CACNA1H: variants seen among roughly 807,000 people sequenced by gnomAD.
The protein encoded by CACNA1H is calcium voltage-gated channel subunit alpha1 H, also known as voltage-dependent T-type calcium channel subunit alpha-1H.
A neutral mutation model predicts 192.5 loss-of-function variants in CACNA1H; 149 were observed. The ratio of observed to expected loss-of-function variants is 0.77; its 90% CI spans 0.68 to 0.89. CACNA1H has a LOEUF of 0.89. Among genes scored for constraint, CACNA1H ranks in the 40% least tolerant of loss-of-function variants. The pLI is 0.00. For synonymous variants in CACNA1H, 2,202 were observed against 1,475.2 expected, an observed-to-expected ratio of 1.49 and a Z score of -11.29; for missense variants, 4,257 against 3,423.5, an observed-to-expected ratio of 1.24 and a Z score of -6.08.
intron 8 of CACNA1H, 144 bp from the exon 9 acceptor site, chr16:1,201,519 C>A: frequency 9.9e-7 from 1 of 1,007,880 alleles, no homozygotes; most frequent in South Asian, 1.7e-5. Flanking sequence ...CACTGAACAC[C>A]GCAGCAGCCT....
intron 26 of CACNA1H, among the ~76,000 whole-genome samples, chr16:1,213,030 C>A (rs1969642160): frequency 6.6e-6 from 1 of 152,234 alleles, no homozygotes; most frequent in Admixed American, 6.5e-5. Context: ...CACGCCTTCA[C>A]CCGCGGGAGC....
rs535076609 is a variant in CACNA1H, at chr16:1,186,271, C to G, written c.300-8701C>G. ...CTTAGTGGTGTTTTGAATAAGAATG[C>G]GCGGCTCCCTCGAGGTGTCCCAGTG... On this transcript the variant is annotated intron_variant, in intron 2 of 34. Coordinates refer to ENST00000348261, the MANE Select transcript of CACNA1H (RefSeq NM_021098.3). Among the ~76,000 whole-genome samples the G allele has an allele frequency of 3.3e-5, 5 of 151,922 alleles. No individual in the cohort carries two copies. The East Asian group carries it at 9.6e-4, about 29-fold the overall frequency.
intron 5 of CACNA1H, 129 bp from the exon 6 acceptor site, chr16:1,198,486 T>G (rs1242924490): frequency 1.0e-6 from 1 of 958,328 alleles, no homozygotes; most frequent in South Asian, 1.5e-5. Context: ...GTGGCCCGAG[T>G]CAGTGTGCAG....
chr16:1,191,275 C>T (rs1966591406), intron 2 of CACNA1H, among the ~76,000 whole-genome samples: 1 of 98,742 alleles, frequency 1.0e-5, no homozygotes, highest in East Asian at 3.2e-4. Context: ...GGCTGTGTGG[C>T]CTCAGGCACA....
intron 16 of CACNA1H, 129 bp from the exon 17 acceptor site, chr16:1,208,903 C>A: frequency 9.8e-7 from 1 of 1,018,930 alleles, no homozygotes; most frequent in Non-Finnish European, 1.3e-6. Flanking sequence ...ACAGCCTCCA[C>A]CGTGCCTCCC....
chr16:1,184,241 C>T (rs1176603507), intron 2 of CACNA1H, among the ~76,000 whole-genome samples: 2 of 152,262 alleles, frequency 1.3e-5, no homozygotes, highest in Non-Finnish European at 2.9e-5. Context: ...AGGGAGCAGA[C>T]CCTGGCCAAA....
chr16:1,196,522 T>A (rs572136006), intron 5 of CACNA1H, among the ~76,000 whole-genome samples: 1 of 152,296 alleles, frequency 6.6e-6, no homozygotes, highest in East Asian at 1.9e-4. Flanking sequence ...CACCCGCCAC[T>A]GCTTCTGGCC....
In CACNA1H at chr16:1,206,459, C is replaced by T. The variant is rs538909888; in HGVS notation, c.2789+170C>T. Reference sequence around the variant, plus strand: ...CATTTGAGAAGCACTGATTGGGCCCCTACTGTGTGCCACGTGTTAGACATG... The same window carrying T: ...CATTTGAGAAGCACTGATTGGGCCCTTACTGTGTGCCACGTGTTAGACATG... On this transcript the variant is annotated intron_variant, in intron 12 of 34. Transcript: ENST00000348261. The T allele has an allele frequency of 1.9e-5, 12 of 633,906 alleles. No individual in the cohort carries two copies. The South Asian group carries it at 2.2e-4, about 12-fold the overall frequency. The allele number at this position is 633,906 out of a possible 1,614,324, so 39.3% of individuals were successfully genotyped here.
At chr16:1,216,489 T>A (rs1596472569) in intron 30 of CACNA1H, among the ~76,000 whole-genome samples, 1 of 152,180 alleles carries the variant, frequency 6.6e-6, no homozygotes, top group East Asian at 1.9e-4. Flanking sequence ...CAGGCCCACC[T>A]GCCGGGACCC....
intron 2 of CACNA1H, among the ~76,000 whole-genome samples, chr16:1,177,478 C>T (rs1868837200): frequency 6.6e-6 from 1 of 152,196 alleles, no homozygotes; most frequent in Non-Finnish European, 1.5e-5. Flanking sequence ...GGTCACACGT[C>T]TGTCATAGGT....
chr16:1,181,957 C>T (rs545035067), intron 2 of CACNA1H, among the ~76,000 whole-genome samples: 60 of 149,742 alleles, frequency 4.0e-4, no homozygotes, highest in Non-Finnish European at 7.4e-4. Context: ...CCCTCGCACA[C>T]GCATGCCCCC....
chr16:1,200,811 G>C lies in CACNA1H; in HGVS notation c.1212+3G>C. On this transcript the variant is annotated splice_donor_region_variant and intron_variant, in intron 8 of 34. Transcript: ENST00000348261. ...TCTATTTCATCCTGCTCATCATCGT[G>C]AGTGTGGGCGGCAGTGTTCGCCATG... 1.3e-6 allele frequency: 2 copies of C among 1,550,600 alleles called. No homozygotes were observed. Among genetic ancestry groups the C allele is most frequent in the Non-Finnish European group, 8.7e-7 (1 of 1,146,412 alleles).
Position 1,213,913 on chromosome 16 carries a change from G to A in CACNA1H, c.4911G>A (p.Glu1637=), listed in dbSNP as rs772638683. The A allele has an allele frequency of 3.7e-6, 6 of 1,611,372 alleles. No individual in the cohort carries two copies. Among genetic ancestry groups the A allele is most frequent in the Non-Finnish European group, 5.1e-6 (6 of 1,179,258 alleles). Residue 1637 remains glutamate (E), a synonymous_variant, in exon 27 of 35, where the codon GAG becomes GAA. Coordinates refer to ENST00000348261, the MANE Select transcript of CACNA1H (RefSeq NM_021098.3). ...TCAACGTCATCACCATGTCCATGGA[G>A]CACTATAACCAACCCAAGGTGGGTG... ...ICVNVITMSM[E]HYNQPKSLDE... is the part of the protein sequence containing the mutation.
intron 2 of CACNA1H, among the ~76,000 whole-genome samples, chr16:1,186,843 C>T (rs1395017215): frequency 3.3e-5 from 5 of 152,186 alleles, no homozygotes; most frequent in Non-Finnish European, 7.4e-5. Flanking sequence ...CCACCATGAC[C>T]GGCAGACTTC....
chr16:1,203,982 C>G, intron 9 of CACNA1H, 28 bp from the exon 10 acceptor site: 3 of 1,494,812 alleles, frequency 2.0e-6, no homozygotes, highest in Non-Finnish European at 2.7e-6. Flanking sequence ...CTGAGTGGGC[C>G]TGCCCCTGTC....
intron 2 of CACNA1H, among the ~76,000 whole-genome samples, chr16:1,175,033 G>A (rs904758018): frequency 6.6e-6 from 1 of 151,978 alleles, no homozygotes; most frequent in Non-Finnish European, 1.5e-5. Context: ...GGCCAGCTAG[G>A]TGGTGGCTCC....
At chr16:1,163,226 CTGGTGCCCGTCTGCAGGGCAGTGG>C (rs1286115830) in intron 2 of CACNA1H, among the ~76,000 whole-genome samples, 1 of 152,240 alleles carries the variant, frequency 6.6e-6, no homozygotes, top group Non-Finnish European at 1.5e-5. Flanking sequence ...AGACTGTGCC[CTGGTGCCCGTCTGCAGGGCAGTGG>C]GGGTGGCCTC....
At chr16:1,156,795 G>C (rs763046765) in intron 2 of CACNA1H, among the ~76,000 whole-genome samples, 4 of 152,104 alleles carry the variant, frequency 2.6e-5, no homozygotes, top group Admixed American at 1.3e-4. Context: ...CAGGAACCTG[G>C]GGGAGGGCCC....
At chr16:1,201,371 G>A (rs916076309) in intron 8 of CACNA1H, among the ~76,000 whole-genome samples, 1 of 152,138 alleles carries the variant, frequency 6.6e-6, no homozygotes, top group African/African-American at 2.4e-5. Flanking sequence ...CCGTTGAGAG[G>A]GTCATCTCAA....
Sources: allele counts gnomAD v4.1 joint callset (sites outside exome capture counted in the v4.1 genomes callset), GRCh38; gene constraint gnomAD v4.1.1; transcripts MANE v1.5; gene names NCBI Gene and HGNC (gene_info 2026-07-23, HGNC 2026-07-21).